AP2B1: variants seen among roughly 807,000 people sequenced by gnomAD.
AP2B1 encodes the protein adaptor related protein complex 2 subunit beta 1.
A neutral mutation model predicts 102.0 loss-of-function variants in AP2B1; 23 were observed. That is an observed-to-expected ratio of 0.23 (90% confidence interval 0.16 to 0.32). The LOEUF is 0.32. Ranked by LOEUF, AP2B1 falls within the 10% of genes least tolerant of loss-of-function variation. The pLI, the probability that AP2B1 is intolerant of heterozygous loss-of-function variation, is 1.00. For synonymous variants in AP2B1, 381 were observed against 421.2 expected (o/e 0.90, Z 1.17); for missense variants, 541 against 1,157.4 (o/e 0.47, Z 7.73).
At chr17:35,650,242 G>A (rs1220580952) in intron 12 of AP2B1, among the ~76,000 whole-genome samples, 8 of 151,984 alleles carry the variant, frequency 5.3e-5, no homozygotes, top group African/African-American at 1.2e-4. Flanking sequence ...GAGCCACTGC[G>A]CCTGGCTGGC....
At chr17:35,636,577 T>G (rs1598124851) in intron 10 of AP2B1, 121 bp downstream of exon 10, 3 of 615,592 alleles carry the variant, frequency 4.9e-6, no homozygotes, top group Non-Finnish European at 7.6e-6. Flanking sequence ...GGATACTTTA[T>G]CAAAAATCGG....
chr17:35,645,578 G>A, intron 12 of AP2B1, among the ~76,000 whole-genome samples: 1 of 152,154 alleles, frequency 6.6e-6, no homozygotes, highest in East Asian at 1.9e-4. Flanking sequence ...GGCCGGGCAT[G>A]GTGGCTTATG....
rs758476008 is a variant in AP2B1 at position 35,594,107 on chromosome 17, A to C, written c.37+40A>C. On this transcript the variant is annotated intron_variant, in intron 2 of 21. Transcript: ENST00000610402. ...ACAATCAAATCTTTTGAAATTTTCA[A>C]AAGTTGTAGTGTAAGATTGCCCCAG... 6.2e-6 allele frequency: 9 copies of C among 1,459,086 alleles called. No individual in the cohort carries two copies. In the African/African-American group the frequency reaches 1.3e-4, roughly 20 times the overall value. 90.4% of individuals were successfully genotyped at this position (1,459,086 alleles called of 1,614,324 possible). A position where few individuals can be genotyped will look rare whatever the true frequency, so the allele number is the denominator to read the frequency against.
At position 35,610,510 on chromosome 17, in the gene AP2B1, C is replaced by T. The variant is rs535241237; in HGVS notation, c.525+2123C>T. Among the ~76,000 whole-genome samples, 27 of 152,166 alleles carry T rather than the reference C, an allele frequency of 1.8e-4. No homozygotes were observed. The South Asian group carries it at 4.6e-3, about 26-fold the overall frequency. On this transcript the variant is annotated intron_variant, in intron 5 of 21. Transcript: ENST00000610402. ...GCATGTTGGCTCATATGCCTATAATCCTAGCACTTTGGGAGGCTGAGGCAG... is the reference window on the plus strand; with the variant it reads ...GCATGTTGGCTCATATGCCTATAATTCTAGCACTTTGGGAGGCTGAGGCAG...
intron 14 of AP2B1, among the ~76,000 whole-genome samples, chr17:35,664,302 A>G (rs2075416605): frequency 6.6e-6 from 1 of 152,058 alleles, no homozygotes; most frequent in Non-Finnish European, 1.5e-5. Flanking sequence ...CACCCAAGCT[A>G]CAGTACAGTG....
intron 19 of AP2B1, 65 bp downstream of exon 19, chr17:35,709,373 C>A: frequency 7.3e-7 from 1 of 1,368,340 alleles, no homozygotes; most frequent in Non-Finnish European, 1.0e-6. Flanking sequence ...TCAGGCAGAG[C>A]ATAGCCCCAG....
At chr17:35,691,504 G>A (rs2076040837) in intron 18 of AP2B1, among the ~76,000 whole-genome samples, 1 of 152,188 alleles carries the variant, frequency 6.6e-6, no homozygotes, top group Admixed American at 6.5e-5. Flanking sequence ...CTTGACTGTT[G>A]TGCAAGCCAA....
In AP2B1 at chr17:35,676,324, A is replaced by G. The variant is rs369885381; in HGVS notation, c.2324+2003A>G. Among the ~76,000 whole-genome samples the G allele has an allele frequency of 5.9e-5, 9 of 152,138 alleles. No homozygotes were observed. In the South Asian group the frequency reaches 8.3e-4, roughly 14 times the overall value. ...TCTGTTTCCTTGTTCTTTGTAAGTC[A>G]GTCTTTTTGTCACTATAATTGTACC... is the stretch of plus-strand genomic sequence containing the variant. On this transcript the variant is annotated intron_variant, in intron 17 of 21. Coordinates refer to ENST00000610402, the MANE Select transcript of AP2B1 (RefSeq NM_001030006.2).
At chr17:35,643,958 C>T (rs1267396571) in intron 12 of AP2B1, among the ~76,000 whole-genome samples, 7 of 152,182 alleles carry the variant, frequency 4.6e-5, no homozygotes, top group Admixed American at 2.6e-4. Context: ...TAACAATCTC[C>T]CATGGAAACT....
chr17:35,615,857 A>G (rs759387620), intron 5 of AP2B1, among the ~76,000 whole-genome samples: 4 of 152,104 alleles, frequency 2.6e-5, no homozygotes, highest in South Asian at 2.1e-4. Context: ...AGTTCCTCAA[A>G]TTGTGTTTCA....
chr17:35,635,796 A>G (rs1390978966), intron 9 of AP2B1, among the ~76,000 whole-genome samples: 1 of 152,114 alleles, frequency 6.6e-6, no homozygotes, highest in Non-Finnish European at 1.5e-5. Flanking sequence ...TCCCAGATGC[A>G]AGCAATTCTC....
At position 35,720,571 on chromosome 17, in the gene AP2B1, ATATTTTTTTTTTTTT is replaced by A. The variant is rs1438605531; in HGVS notation, c.2782-3052_2782-3038del. On this transcript the variant is annotated intron_variant, in intron 21 of 21. Coordinates refer to ENST00000610402, the MANE Select transcript of AP2B1 (RefSeq NM_001030006.2). The stretch of plus-strand genomic sequence containing the variant: ...TATATATATATATATATATATATAT[ATATTTTTTTTTTTTT>A]TTTTTTTTTTTTTTAATATAGAGAT... 2.3e-4 allele frequency among the ~76,000 whole-genome samples: 10 copies of A among 44,206 alleles called. No individual in the cohort carries two copies. In the South Asian group the frequency reaches 5.1e-3, roughly 23 times the overall value. The allele number at this position is 44,206 out of a possible 152,430, so 29.0% of individuals were successfully genotyped here.
rs1235102935 is a variant in AP2B1 at position 35,682,790 on chromosome 17, C to G, written c.2420C>G (p.Pro807Arg). Residue 807 changes from proline to arginine, a missense_variant, in exon 18 of 22, where the codon CCA (proline) becomes CGA (arginine). Pro to Arg is a moderately radical substitution (Grantham distance 103). Around this residue, in one of 10 missense-constraint regions of AP2B1, gnomAD observed 117 missense variants for 206.7 expected, o/e 0.57. Transcript: ENST00000610402. Reference protein sequence around the residue: ...DVSLPLNTLGPVMKMEPLNNL... With the variant: ...DVSLPLNTLGRVMKMEPLNNL... Reference sequence around the variant, plus strand: ...TCCCTGCCTCTCAATACCTTGGGCCCAGTCATGAAGATGGAACCTCTGAAT... The same window carrying G: ...TCCCTGCCTCTCAATACCTTGGGCCGAGTCATGAAGATGGAACCTCTGAAT... 6.2e-7 allele frequency: 1 copy of G among 1,612,702 alleles called. No homozygotes were observed. Among genetic ancestry groups the G allele is most frequent in the Non-Finnish European group, 8.5e-7 (1 of 1,179,012 alleles).
rs116049401 is a variant in AP2B1, at chr17:35,601,754, G to A, written c.143+3419G>A. Among the ~76,000 whole-genome samples, 433 of 151,710 alleles carry A rather than the reference G, an allele frequency of 2.9e-3. 2 individuals carry two copies. The highest frequency in any genetic ancestry group is 9.9e-3 in the African/African-American group (408 of 41,328). Reference sequence around the variant, plus strand: ...CTGGATTGAAAACATCAGTACAAACGAATTGGTAAAAATTGTCATAACTCT... The same window carrying A: ...CTGGATTGAAAACATCAGTACAAACAAATTGGTAAAAATTGTCATAACTCT... On this transcript the variant is annotated intron_variant, in intron 3 of 21. Transcript: ENST00000610402.
At chr17:35,681,209 T>C (rs1322350520) in intron 17 of AP2B1, among the ~76,000 whole-genome samples, 1 of 152,144 alleles carries the variant, frequency 6.6e-6, no homozygotes, top group African/African-American at 2.4e-5. Context: ...TTATCCTAAT[T>C]GTTTGGAATT....
At chr17:35,641,345 G>A (rs1426373014) in intron 11 of AP2B1, among the ~76,000 whole-genome samples, 2 of 152,184 alleles carry the variant, frequency 1.3e-5, no homozygotes, top group African/African-American at 2.4e-5. Flanking sequence ...GGCTGATGCG[G>A]GAGAATCGCT....
intron 9 of AP2B1, among the ~76,000 whole-genome samples, chr17:35,628,072 C>A (rs2074365741): frequency 6.6e-6 from 1 of 152,052 alleles, no homozygotes; most frequent in African/African-American, 2.4e-5. Context: ...CATGTACAGA[C>A]CTTTTTTTGT....
intron 9 of AP2B1, among the ~76,000 whole-genome samples, chr17:35,631,070 C>G (rs2074448096): frequency 6.6e-6 from 1 of 152,096 alleles, no homozygotes; most frequent in Admixed American, 6.6e-5. Flanking sequence ...AGCTGTTGAG[C>G]AAATAAATAG....
At chr17:35,643,154 A>G (rs2074832121) in intron 12 of AP2B1, among the ~76,000 whole-genome samples, 1 of 151,712 alleles carries the variant, frequency 6.6e-6, no homozygotes, top group African/African-American at 2.4e-5. Context: ...CCACACATAA[A>G]ATACACTCAC....
Sources: allele counts gnomAD v4.1 joint callset (sites outside exome capture counted in the v4.1 genomes callset), GRCh38; gene constraint gnomAD v4.1.1; regional missense constraint gnomAD v4.1.1; transcripts MANE v1.5; gene names NCBI Gene and HGNC (gene_info 2026-07-23, HGNC 2026-07-21).